STK33: variants seen among roughly 807,000 people sequenced by gnomAD.
STK33 encodes serine/threonine kinase 33, also known as serine/threonine-protein kinase 33.
A neutral mutation model predicts 58.0 loss-of-function variants in STK33; 52 were observed. The ratio of observed to expected loss-of-function variants is 0.90; its 90% CI spans 0.72 to 1.13. The LOEUF (loss-of-function observed/expected upper bound fraction) is 1.13. Among genes scored for constraint, STK33 ranks in the 50% most tolerant of loss-of-function variants. The pLI, the probability that STK33 is intolerant of heterozygous loss-of-function variation, is 0.00. For missense variants in STK33, 630 were observed against 604.2 expected (o/e 1.04, Z -0.45); for synonymous variants, 215 against 200.1 (o/e 1.07, Z -0.63).
intron 10 of STK33, among the ~76,000 whole-genome samples, chr11:8,454,251 T>C (rs1406232450): frequency 1.3e-5 from 2 of 152,340 alleles, no homozygotes; most frequent in South Asian, 2.1e-4. Context: ...GTAGCATTTA[T>C]TTGACATTAG....
chr11:8,433,081 C>T (rs1262268397), intron 14 of STK33, among the ~76,000 whole-genome samples: 1 of 152,220 alleles, frequency 6.6e-6, no homozygotes, highest in Non-Finnish European at 1.5e-5. Flanking sequence ...GTTTATTTTG[C>T]TGTACTACAA....
intron 1 of STK33, among the ~76,000 whole-genome samples, chr11:8,571,721 T>C (rs1390745631): frequency 1.3e-5 from 2 of 151,526 alleles, no homozygotes; most frequent in African/African-American, 2.4e-5. Context: ...TAGTCCCAGC[T>C]ACTCAGCAGG....
At chr11:8,573,486 T>G (rs1170595650) in intron 1 of STK33, among the ~76,000 whole-genome samples, 3 of 152,248 alleles carry the variant, frequency 2.0e-5, no homozygotes, top group Non-Finnish European at 2.9e-5. Context: ...TTGGTGGGCA[T>G]GTACAATAGT....
rs927203905 is a variant in STK33, at chr11:8,413,620, T to C, written c.1219A>G (p.Ser407Gly). ...TCTTCTGTTGTGTTTTCCTCAACAC[T>C]TTCTGGGTTATTTTTCCATTCCTTC... ...MMKEWKNNPE[S>G]VEENTTEEKN... Residue 407 changes from serine to glycine, a missense_variant, in exon 15 of 16, where the codon AGT becomes GGT. Ser to Gly is a moderately conservative substitution (Grantham distance 56). Transcript: ENST00000687296. The C allele has an allele frequency of 6.2e-6, 10 of 1,613,960 alleles. No homozygotes were observed. In the African/African-American group the frequency reaches 1.1e-4, roughly 17 times the overall value.
the STK33 span, among the ~76,000 whole-genome samples, chr11:8,379,689 T>C: frequency 6.6e-6 from 1 of 152,190 alleles, no homozygotes; most frequent in Non-Finnish European, 1.5e-5. Flanking sequence ...ACTTGTGTCA[T>C]GGGCGCTTTG....
At chr11:8,471,150 T>C (rs1180992816) in intron 6 of STK33, among the ~76,000 whole-genome samples, 5 of 152,200 alleles carry the variant, frequency 3.3e-5, no homozygotes, top group African/African-American at 1.2e-4. Context: ...TACAAAATAA[T>C]CTCTTCATAA....
At chr11:8,464,601 G>C (rs1370542647) in intron 7 of STK33, 108 bp downstream of exon 7, 1 of 695,988 alleles carries the variant, frequency 1.4e-6, no homozygotes, top group Non-Finnish European at 2.4e-6. Context: ...GCCCAGGCCT[G>C]GGACCTCAGG....
chr11:8,593,795 G>C (rs1438688562), intron 1 of STK33: 1 of 152,308 alleles, frequency 6.6e-6, no homozygotes. Flanking sequence ...TCCCAAGATG[G>C]GGTGAAGGTG....
chr11:8,396,103 A>AAT (rs199590460), intron 15 of STK33, among the ~76,000 whole-genome samples: 7 of 152,056 alleles, frequency 4.6e-5, no homozygotes, highest in Non-Finnish European at 7.4e-5. Context: ...TCTTTATGCA[A>AAT]ATATATATAT....
chr11:8,513,371 T>C (rs902119021), intron 1 of STK33, among the ~76,000 whole-genome samples: 4 of 152,172 alleles, frequency 2.6e-5, no homozygotes, highest in African/African-American at 9.7e-5. Context: ...TGCTGACCCA[T>C]ACCTCAAGAA....
At chr11:8,436,163 T>C in intron 12 of STK33, 24 bp from the exon 13 acceptor site, 1 of 1,309,536 alleles carries the variant, frequency 7.6e-7, no homozygotes, top group South Asian at 1.6e-5. Context: ...AATCACTTTG[T>C]TTAAATTTTT....
intron 1 of STK33, among the ~76,000 whole-genome samples, chr11:8,515,216 A>C (rs1952669173): frequency 6.6e-6 from 1 of 152,178 alleles, no homozygotes; most frequent in African/African-American, 2.4e-5. Flanking sequence ...TAAAATCAGA[A>C]ATGAAAGAAG....
chr11:8,369,063 A>C, the STK33 span, among the ~76,000 whole-genome samples: 1 of 152,216 alleles, frequency 6.6e-6, no homozygotes, highest in Non-Finnish European at 1.5e-5. Context: ...ATCTCGGTTC[A>C]CTGCCATGGG....
chr11:8,523,127 G>GA (rs1953646805), intron 1 of STK33, among the ~76,000 whole-genome samples: 1 of 152,224 alleles, frequency 6.6e-6, no homozygotes, highest in South Asian at 2.1e-4. Flanking sequence ...GCAGTGGCGT[G>GA]ATCTCGGCTG....
intron 1 of STK33, among the ~76,000 whole-genome samples, chr11:8,553,199 G>GATATATATATATATATA (rs1565347544): frequency 4.9e-5 from 3 of 60,984 alleles, no homozygotes; most frequent in African/African-American, 9.0e-5. Context: ...TATATATATG[G>GATATATATATATATATA]TGTATATATA....
chr11:8,553,349 CTT>C (rs1012064602), intron 1 of STK33, among the ~76,000 whole-genome samples: 1 of 150,482 alleles, frequency 6.6e-6, no homozygotes. Flanking sequence ...ATGTCCCACA[CTT>C]TTATACAACT....
intron 1 of STK33, among the ~76,000 whole-genome samples, chr11:8,571,693 C>A (rs1301413830): frequency 2.0e-5 from 3 of 151,594 alleles, no homozygotes; most frequent in South Asian, 2.1e-4. Context: ...ATTAGCCAGG[C>A]GTGGTGGCGG....
chr11:8,588,273 C>G (rs1262993358), intron 1 of STK33, among the ~76,000 whole-genome samples: 1 of 152,166 alleles, frequency 6.6e-6, no homozygotes, highest in African/African-American at 2.4e-5. Flanking sequence ...AATTATATCC[C>G]TAGATGGAAA....
intron 1 of STK33, among the ~76,000 whole-genome samples, chr11:8,515,737 CT>C (rs2139616359): frequency 6.6e-6 from 1 of 152,238 alleles, no homozygotes; most frequent in African/African-American, 2.4e-5. Context: ...AAAATCACAT[CT>C]TTGTCTCAAT....
Sources: allele counts gnomAD v4.1 joint callset (sites outside exome capture counted in the v4.1 genomes callset), GRCh38; gene constraint gnomAD v4.1.1; transcripts MANE v1.5; gene names NCBI Gene and HGNC (gene_info 2026-07-23, HGNC 2026-07-21).